The following CATIP variants were observed in gnomAD, a reference collection of about 807,000 sequenced individuals.
The protein encoded by CATIP is ciliogenesis-associated TTC17-interacting protein.
CATIP carries 40 observed loss-of-function variants against 42.5 expected under a neutral mutation model. That is an observed-to-expected ratio of 0.94 (90% confidence interval 0.73 to 1.22). The LOEUF (loss-of-function observed/expected upper bound fraction) is 1.22, where lower values mean the gene tolerates loss of function less well. Among genes scored for constraint, CATIP ranks in the 50% most tolerant of loss-of-function variants. CATIP has a pLI of 0.00. For synonymous variants in CATIP, 222 were observed against 200.2 expected (o/e 1.11, Z -0.92); for missense variants, 489 against 496.0 (o/e 0.99, Z 0.13).
At position 218,357,637 on chromosome 2, in the gene CATIP, A is replaced by G. The variant is rs1237541280; in HGVS notation, c.222A>G (p.Lys74=). 6.2e-7 allele frequency: 1 copy of G among 1,614,082 alleles called. No individual in the cohort carries two copies. The highest frequency in any genetic ancestry group is 1.3e-5 in the African/African-American group (1 of 75,018). ...GELTIEVQRG[K]YQEKLGMLTY... Reference sequence around the variant, plus strand: ...TGACCATTGAGGTGCAGAGAGGGAAATACCAGGAAAAACTCGGCATGCTGA... The same window carrying G: ...TGACCATTGAGGTGCAGAGAGGGAAGTACCAGGAAAAACTCGGCATGCTGA... Residue 74 remains lysine, a synonymous_variant, in exon 3 of 10, where the codon AAA becomes AAG. Transcript: ENST00000289388.
intron 9 of CATIP, 81 bp from the exon 10 acceptor site, chr2:218,367,641 C>T: frequency 1.3e-6 from 2 of 1,588,616 alleles, no homozygotes; most frequent in Non-Finnish European, 1.7e-6. Context: ...CGCCCCTTAG[C>T]TCTCCTTGGA....
chr2:218,358,621 C>T lies in CATIP; in HGVS notation c.375+529C>T, dbSNP rs2106308752. The stretch of plus-strand genomic sequence containing the variant: ...GCACAATGGCTCAAGCCTATAATCC[C>T]AGCACTTTGGGAGGCCAAAGTGGGA... On this transcript the variant is annotated intron_variant, in intron 4 of 9. Transcript: ENST00000289388. Among the ~76,000 whole-genome samples the T allele has an allele frequency of 2.0e-5, 3 of 152,138 alleles. 1 individual carries two copies. Among genetic ancestry groups the T allele is most frequent in the Admixed American group, 2.0e-4 (3 of 15,254 alleles).
At chr2:218,358,128 G>T in intron 4 of CATIP, 36 bp downstream of exon 4, 1 of 1,570,266 alleles carries the variant, frequency 6.4e-7, no homozygotes, top group East Asian at 2.2e-5. Context: ...CCCAATCCAG[G>T]GGAGAGAAGA....
In CATIP at chr2:218,358,837, G is replaced by T. The variant is rs1203328528; in HGVS notation, c.375+745G>T. Among the ~76,000 whole-genome samples the T allele has an allele frequency of 6.1e-5, 9 of 148,326 alleles. 1 individual carries two copies. Among genetic ancestry groups the T allele is most frequent in the Middle Eastern group, 7.4e-3 (2 of 272 alleles). On this transcript the variant is annotated intron_variant, in intron 4 of 9. Transcript: ENST00000289388. ...AGGTCAAGACTGCAGTGAGCAATGT[G>T]CGTGCCACTGTACTCCAGCCTGGGT... is the stretch of plus-strand genomic sequence containing the variant.
chr2:218,360,539 T>C (rs1004299232), intron 4 of CATIP, 34 bp from the exon 5 acceptor site: 2 of 1,518,344 alleles, frequency 1.3e-6, no homozygotes, highest in Non-Finnish European at 1.8e-6. Context: ...ACCCAGGGAG[T>C]CCCTGATCCT....
At chr2:218,362,222 G>A (rs1291286695) in intron 5 of CATIP, among the ~76,000 whole-genome samples, 1 of 151,744 alleles carries the variant, frequency 6.6e-6, no homozygotes, top group South Asian at 2.1e-4. Flanking sequence ...GCGTAGTGTC[G>A]TGAGCCTGTA....
intron 9 of CATIP, 98 bp from the exon 10 acceptor site, chr2:218,367,624 G>C (rs1695502801): frequency 2.5e-6 from 4 of 1,596,320 alleles, no homozygotes; most frequent in Non-Finnish European, 3.4e-6. Flanking sequence ...GGGCTAGAAG[G>C]CTCCAGCGCC....
At chr2:218,357,459 G>A in intron 2 of CATIP, 75 bp from the exon 3 acceptor site, 1 of 1,257,142 alleles carries the variant, frequency 8.0e-7, no homozygotes, top group Non-Finnish European at 1.1e-6. Flanking sequence ...GGACACTGGT[G>A]GTCATGGGGT....
chr2:218,366,569 G>T, intron 7 of CATIP: 1 of 187,418 alleles, frequency 5.3e-6, no homozygotes, highest in South Asian at 8.0e-5. Context: ...AACAAGAGAG[G>T]GAGGCAGAAG....
In CATIP at chr2:218,361,995, C is replaced by T. The variant is rs369936745; in HGVS notation, c.463-740C>T. On this transcript the variant is annotated intron_variant, in intron 5 of 9. Coordinates refer to ENST00000289388, the MANE Select transcript of CATIP (RefSeq NM_198559.2). The stretch of plus-strand genomic sequence containing the variant: ...TTCGAGACTTGCCTGGGCAATATAG[C>T]GAGACCCCGTTCTCCAGAAAAAGGA... Among the ~76,000 whole-genome samples the T allele has an allele frequency of 2.0e-4, 29 of 146,220 alleles. No individual in the cohort carries two copies. In the East Asian group the frequency reaches 2.2e-3, roughly 11 times the overall value.
chr2:218,359,025 A>T (rs1464152501), intron 4 of CATIP, among the ~76,000 whole-genome samples: 1 of 151,960 alleles, frequency 6.6e-6, no homozygotes, highest in Non-Finnish European at 1.5e-5. Context: ...ACCAACATGG[A>T]GAAACCCTGT....
intron 6 of CATIP, among the ~76,000 whole-genome samples, chr2:218,363,786 G>A (rs989376995): frequency 1.3e-5 from 2 of 152,128 alleles, no homozygotes; most frequent in African/African-American, 2.4e-5. Flanking sequence ...TCCAGCCTGG[G>A]CAACAGAGGG....
intron 4 of CATIP, 106 bp downstream of exon 4, chr2:218,358,198 T>C: frequency 1.2e-6 from 1 of 831,972 alleles, no homozygotes; most frequent in South Asian, 1.6e-5. Context: ...ACATACACAG[T>C]GAAGCTGAAG....
At chr2:218,363,763 C>T (rs536112724) in intron 6 of CATIP, among the ~76,000 whole-genome samples, 13 of 152,070 alleles carry the variant, frequency 8.5e-5, no homozygotes, top group Non-Finnish European at 1.6e-4. Context: ...GAGCTGAGAT[C>T]GCACAACTGC....
At chr2:218,365,282 T>C (rs1192167074) in intron 7 of CATIP, among the ~76,000 whole-genome samples, 1 of 151,862 alleles carries the variant, frequency 6.6e-6, no homozygotes, top group Non-Finnish European at 1.5e-5. Context: ...AGTGTGGTCG[T>C]GGGCGCCTGT....
intron 4 of CATIP, among the ~76,000 whole-genome samples, chr2:218,359,274 G>A (rs1428698412): frequency 5.5e-5 from 8 of 146,684 alleles, no homozygotes; most frequent in East Asian, 2.0e-4. Context: ...CCCAGGAGGC[G>A]AAGGTCGCAG....
In CATIP at chr2:218,360,784, A is replaced by G. The variant is rs145863217; in HGVS notation, c.462+125A>G. 4,957 of 635,006 alleles carry G rather than the reference A, an allele frequency of 7.8e-3. 35 individuals carry two copies. The highest frequency in any genetic ancestry group is 0.016 in the South Asian group (809 of 51,000). 39.3% of individuals were successfully genotyped at this position (635,006 alleles called of 1,614,324 possible). ...AAGGACGCGCACATGACACAGCCTC[A>G]GGAGGTCCTGAGGAAATGGGCCCAA... On this transcript the variant is annotated intron_variant, in intron 5 of 9. Coordinates refer to ENST00000289388, the MANE Select transcript of CATIP (RefSeq NM_198559.2).
Position 218,364,694 on chromosome 2 carries a change from AC to A in CATIP, c.698del (p.Thr233MetfsTer42). ...QQAEVFIVEQ[T>X]VHAEEGIPMS... ...GGCTGAAGTCTTCATCGTGGAGCAG[AC>A]TGTCCACGCGGAGGAGGGCATCCCC... is the stretch of plus-strand genomic sequence containing the variant. On this transcript the variant is annotated frameshift_variant, in exon 7 of 10. Coordinates refer to ENST00000289388, the MANE Select transcript of CATIP (RefSeq NM_198559.2). LOFTEE classifies it high-confidence loss of function. The A allele has an allele frequency of 6.2e-7, 1 of 1,613,948 alleles. No individual in the cohort carries two copies. Among genetic ancestry groups the A allele is most frequent in the South Asian group, 1.1e-5 (1 of 91,040 alleles).
intron 5 of CATIP, among the ~76,000 whole-genome samples, chr2:218,361,738 G>A (rs1695240595): frequency 6.6e-6 from 1 of 152,154 alleles, no homozygotes; most frequent in Non-Finnish European, 1.5e-5. Context: ...AAAATGGGAG[G>A]CAGCTTTGCC....
Sources: allele counts gnomAD v4.1 joint callset (sites outside exome capture counted in the v4.1 genomes callset), GRCh38; gene constraint gnomAD v4.1.1; transcripts MANE v1.5; gene names NCBI Gene and HGNC (gene_info 2026-07-23, HGNC 2026-07-21).